RBFOX1: variants seen among roughly 807,000 people sequenced by gnomAD.
RBFOX1 encodes the protein RNA binding fox-1 homolog 1, also known as RNA binding protein fox-1 homolog 1.
A neutral mutation model predicts 57.7 loss-of-function variants in RBFOX1; 8 were observed. The observed-to-expected ratio is 0.14, with a 90% CI of 0.08 to 0.25. The LOEUF (loss-of-function observed/expected upper bound fraction) is 0.25. RBFOX1 is among the 10% of genes least tolerant of loss of function. RBFOX1 has a pLI of 1.00. For missense variants in RBFOX1, 611 were observed against 548.5 expected (o/e 1.11, Z -1.14); for synonymous variants, 326 against 222.4 (o/e 1.47, Z -4.15).
chr16:5,971,015 A>C (rs1016674978), intron 4 of RBFOX1, among the ~76,000 whole-genome samples: 1 of 152,196 alleles, frequency 6.6e-6, no homozygotes, highest in African/African-American at 2.4e-5. Context: ...CTGTCTTGCT[A>C]TGTGTCCATA....
At chr16:5,478,252 A>T (rs887484136) in intron 2 of RBFOX1, among the ~76,000 whole-genome samples, 1 of 151,738 alleles carries the variant, frequency 6.6e-6, no homozygotes, top group Non-Finnish European at 1.5e-5. Flanking sequence ...TAAAAGCCGG[A>T]TGATATTCAC....
Position 5,373,951 on chromosome 16 carries a change from C to G in RBFOX1, c.220-93265C>G, listed in dbSNP as rs554711502. ...ACCCAGTTTGAGATGGAGTCTTACT[C>G]TTGTCACCCAGGCCAGAGTGCAATG... On this transcript the variant is annotated intron_variant, in intron 1 of 2. Coordinates refer to the RBFOX1 transcript ENST00000585867. Among the ~76,000 whole-genome samples the G allele has an allele frequency of 4.6e-5, 7 of 151,028 alleles. No individual in the cohort carries two copies. The East Asian group carries it at 1.4e-3, about 30-fold the overall frequency.
At chr16:6,747,556 A>G (rs1328569369) in intron 3 of RBFOX1, among the ~76,000 whole-genome samples, 2 of 152,162 alleles carry the variant, frequency 1.3e-5, no homozygotes, top group East Asian at 3.9e-4. Context: ...CAGTATTCAC[A>G]TAATCTCTGT....
Position 5,618,336 on chromosome 16 carries a change from T to G in RBFOX1, c.318+19375T>G, listed in dbSNP as rs141774403. Among the ~76,000 whole-genome samples the G allele has an allele frequency of 8.4e-3, 788 of 93,308 alleles. 10 individuals are homozygous for G. The highest frequency in any genetic ancestry group is 0.022 in the South Asian group (62 of 2,860). 61.2% of individuals were successfully genotyped at this position (93,308 alleles called of 152,430 possible). ...TACAGGAGATGGCTGCAGATTTTTT[T>G]TTTTTGTGTGTGTGTGTGTGTGACA... On this transcript the variant is annotated intron_variant, in intron 3 of 19. Transcript: ENST00000641259.
At position 6,019,181 on chromosome 16, in the gene RBFOX1, C is replaced by T. The variant is rs1333049434; in HGVS notation, c.-938C>T. ...AATCTATATTTTTACTGGAAGATTTCCTCTTTATTCTCTCCCGCCCTCCTA... is the reference window on the plus strand; with the variant it reads ...AATCTATATTTTTACTGGAAGATTTTCTCTTTATTCTCTCCCGCCCTCCTA... On this transcript the variant is annotated 5_prime_UTR_variant, in exon 1 of 16. Transcript: ENST00000550418. This position sits in a 1 kb window ranked among gnomAD's most constrained non-coding sequence, Gnocchi z 4.2. The T allele has an allele frequency of 2.0e-6, 2 of 985,262 alleles. No individual in the cohort carries two copies. Among genetic ancestry groups the T allele is most frequent in the Non-Finnish European group, 1.2e-6 (1 of 829,994 alleles). 61.0% of individuals were successfully genotyped at this position (985,262 alleles called of 1,614,324 possible).
intron 3 of RBFOX1, among the ~76,000 whole-genome samples, chr16:6,782,591 A>T (rs985033842): frequency 2.6e-5 from 4 of 152,090 alleles, no homozygotes; most frequent in African/African-American, 9.7e-5. Flanking sequence ...GTCAGAAAAG[A>T]TACCTGCTAT....
chr16:7,323,957 G>A (rs919403549), intron 4 of RBFOX1, among the ~76,000 whole-genome samples: 2 of 152,142 alleles, frequency 1.3e-5, no homozygotes, highest in South Asian at 2.1e-4. Flanking sequence ...ATGGATGGAT[G>A]GTGTGTTGGT....
At chr16:6,591,337 C>A (rs1476376916) in intron 2 of RBFOX1, among the ~76,000 whole-genome samples, 2 of 151,972 alleles carry the variant, frequency 1.3e-5, no homozygotes, top group African/African-American at 2.4e-5. Flanking sequence ...GCCTGTAGTC[C>A]CAGCTACTTG....
At chr16:7,033,080 C>T (rs573208385) in intron 3 of RBFOX1, among the ~76,000 whole-genome samples, 76 of 152,270 alleles carry the variant, frequency 5.0e-4, no homozygotes, top group African/African-American at 1.8e-3. Context: ...AAAGGAATGC[C>T]AACTCTCTCC....
chr16:6,664,272 A>C (rs1180086612), intron 3 of RBFOX1, among the ~76,000 whole-genome samples: 1 of 152,096 alleles, frequency 6.6e-6, no homozygotes, highest in Non-Finnish European at 1.5e-5. Flanking sequence ...AATTCCCTAA[A>C]ACTGTCAATC....
At chr16:7,653,970 T>G in intron 12 of RBFOX1, 23 bp downstream of exon 12, 1 of 1,475,150 alleles carries the variant, frequency 6.8e-7, no homozygotes, top group Non-Finnish European at 8.9e-7. Flanking sequence ...GCCTCCTGGG[T>G]GGGCCTCCCT....
chr16:7,141,239 C>T (rs779769120), intron 4 of RBFOX1, among the ~76,000 whole-genome samples: 18 of 152,146 alleles, frequency 1.2e-4, no homozygotes, highest in Non-Finnish European at 2.2e-4. Context: ...ATCCAGATCG[C>T]TTCCTGCCCT....
chr16:7,115,439 C>A (rs999136540), intron 4 of RBFOX1, among the ~76,000 whole-genome samples: 4 of 152,310 alleles, frequency 2.6e-5, no homozygotes, highest in East Asian at 3.9e-4. Flanking sequence ...GTAATTACCA[C>A]CTCATAGTTG....
At chr16:6,701,493 T>C (rs1464695658) in intron 3 of RBFOX1, among the ~76,000 whole-genome samples, 1 of 152,194 alleles carries the variant, frequency 6.6e-6, no homozygotes, top group Non-Finnish European at 1.5e-5. Flanking sequence ...GTTATGTAGG[T>C]TGTACAAGCA....
chr16:7,612,196 C>T (rs903852732), intron 10 of RBFOX1, among the ~76,000 whole-genome samples: 1 of 151,848 alleles, frequency 6.6e-6, no homozygotes, highest in Non-Finnish European at 1.5e-5. Flanking sequence ...TGGTGGGCGC[C>T]TGTAGTCCCA....
At chr16:5,938,097 T>A (rs2059203475) in intron 4 of RBFOX1, among the ~76,000 whole-genome samples, 7 of 152,214 alleles carry the variant, frequency 4.6e-5, no homozygotes, top group Admixed American at 4.6e-4. Flanking sequence ...AACACCTCTG[T>A]ACCCTTTTCA....
At position 7,428,046 on chromosome 16, in the gene RBFOX1, T is replaced by G. The variant is rs565759664; in HGVS notation, c.28-90101T>G. 7.9e-5 allele frequency among the ~76,000 whole-genome samples: 12 copies of G among 152,336 alleles called. No individual in the cohort carries two copies. The South Asian group carries it at 2.5e-3, about 32-fold the overall frequency. ...TTTGCTCATCCTAAAAGTTCTTACC[T>G]GTCTTTTAAGTTGTGGCTCAAGTAT... On this transcript the variant is annotated intron_variant, in intron 4 of 15. Transcript: ENST00000550418.
chr16:6,061,867 G>A (rs2095690543), intron 1 of RBFOX1, among the ~76,000 whole-genome samples: 2 of 152,034 alleles, frequency 1.3e-5, no homozygotes, highest in African/African-American at 4.8e-5. Context: ...TATCTACCTG[G>A]AGATAGCATC....
At chr16:5,305,936 G>T (rs889582724) in intron 1 of RBFOX1, among the ~76,000 whole-genome samples, 21 of 152,128 alleles carry the variant, frequency 1.4e-4, no homozygotes, top group African/African-American at 4.8e-4. Context: ...CACGTCTGTA[G>T]TCCCAATTAC....
Sources: allele counts gnomAD v4.1 joint callset (sites outside exome capture counted in the v4.1 genomes callset), GRCh38; gene constraint gnomAD v4.1.1; non-coding constraint Gnocchi (gnomAD v3.1); transcripts MANE v1.5; gene names NCBI Gene and HGNC (gene_info 2026-07-23, HGNC 2026-07-21).